HPGDS: variants seen among roughly 807,000 people sequenced by gnomAD.
HPGDS encodes the protein hematopoietic prostaglandin D synthase.
Under a neutral mutation model 23.1 loss-of-function variants are expected in HPGDS, and 26 were observed. The ratio of observed to expected loss-of-function variants is 1.13; its 90% CI spans 0.83 to 1.56. HPGDS has a LOEUF of 1.56. Ranked by LOEUF, HPGDS falls within the 40% of genes most tolerant of loss-of-function variation. The pLI, the probability that HPGDS is intolerant of heterozygous loss-of-function variation, is 0.00. For synonymous variants in HPGDS, 95 were observed against 77.9 expected (o/e 1.22, Z -1.16); for missense variants, 268 against 236.4 (o/e 1.13, Z -0.88).
intron 4 of HPGDS, among the ~76,000 whole-genome samples, chr4:94,307,306 A>G (rs981189423): frequency 6.6e-6 from 1 of 150,566 alleles, no homozygotes. Flanking sequence ...CCAGGAAAAC[A>G]TAAAAAAAAA....
At chr4:94,319,885 A>T in intron 2 of HPGDS, among the ~76,000 whole-genome samples, 1 of 152,266 alleles carries the variant, frequency 6.6e-6, no homozygotes, top group South Asian at 2.1e-4. Flanking sequence ...TACATTAGGT[A>T]TATCTCCTAA....
intron 3 of HPGDS, among the ~76,000 whole-genome samples, chr4:94,310,745 A>G (rs1008962933): frequency 2.6e-5 from 4 of 152,106 alleles, no homozygotes; most frequent in Non-Finnish European, 5.9e-5. Flanking sequence ...CATTTTCACA[A>G]CATTGATTCT....
At chr4:94,310,412 G>C (rs1459024927) in intron 3 of HPGDS, among the ~76,000 whole-genome samples, 1 of 151,976 alleles carries the variant, frequency 6.6e-6, no homozygotes, top group African/African-American at 2.4e-5. Flanking sequence ...TCTTGTTTTT[G>C]TCAGGTTTGT....
At chr4:94,329,143 T>C (rs1171236934) in intron 2 of HPGDS, among the ~76,000 whole-genome samples, 2 of 145,546 alleles carry the variant, frequency 1.4e-5, no homozygotes, top group Non-Finnish European at 3.0e-5. Context: ...CAGGGAGAGG[T>C]TTTTTTTTGT....
At chr4:94,316,615 T>G (rs1280170878) in intron 3 of HPGDS, among the ~76,000 whole-genome samples, 2 of 152,242 alleles carry the variant, frequency 1.3e-5, no homozygotes, top group Non-Finnish European at 2.9e-5. Flanking sequence ...TCTATCCTTC[T>G]AAGCATTTCT....
chr4:94,317,253 A>G (rs939728337), intron 3 of HPGDS, among the ~76,000 whole-genome samples: 3 of 152,154 alleles, frequency 2.0e-5, no homozygotes. Flanking sequence ...GTGTGAGAAT[A>G]GTTTGAGGGA....
Position 94,340,311 on chromosome 4 carries a change from C to CTTTCTTTCTTTTTCTTTTCTTT in HPGDS, c.-10+2483_-10+2484insAAAGAAAAGAAAAAGAAAGAAA. On this transcript the variant is annotated intron_variant, in intron 1 of 5. Coordinates refer to ENST00000295256, the MANE Select transcript of HPGDS (RefSeq NM_014485.3). Reference sequence around the variant, plus strand: ...TTTCTTTCTTTCTTTCTTTCTTTCTCTTTTTTTTTTTTTTTTTTTTTTTTT... The same window carrying CTTTCTTTCTTTTTCTTTTCTTT: ...TTTCTTTCTTTCTTTCTTTCTTTCTCTTTCTTTCTTTTTCTTTTCTTTTTTTTTTTTTTTTTTTTTTTTTTTT... Among the ~76,000 whole-genome samples the CTTTCTTTCTTTTTCTTTTCTTT allele has an allele frequency of 3.0e-4, 7 of 23,686 alleles. 2 individuals carry two copies. The East Asian group carries it at 5.5e-3, about 19-fold the overall frequency. The allele number at this position is 23,686 out of a possible 152,430, so 15.5% of individuals were successfully genotyped here.
At chr4:94,324,249 C>T (rs1217679335) in intron 2 of HPGDS, among the ~76,000 whole-genome samples, 1 of 152,048 alleles carries the variant, frequency 6.6e-6, no homozygotes, top group Non-Finnish European at 1.5e-5. Context: ...TGGAGTTGTT[C>T]TTCTCAAGGA....
chr4:94,309,094 T>C (rs1756203350), intron 3 of HPGDS, among the ~76,000 whole-genome samples: 1 of 140,356 alleles, frequency 7.1e-6, no homozygotes, highest in African/African-American at 2.6e-5. Flanking sequence ...TAGGGATTCA[T>C]TGAGGTAGAT....
intron 2 of HPGDS, among the ~76,000 whole-genome samples, chr4:94,326,120 C>T (rs1456066130): frequency 6.6e-6 from 1 of 151,838 alleles, no homozygotes; most frequent in African/African-American, 2.4e-5. Flanking sequence ...TTTTGGAATT[C>T]TCTTTGTCCT....
intron 5 of HPGDS, 127 bp from the exon 6 acceptor site, chr4:94,299,771 T>C: frequency 2.3e-6 from 2 of 880,278 alleles, no homozygotes; most frequent in South Asian, 3.9e-5. Flanking sequence ...AAGCAGAATG[T>C]TTATATGATA....
At chr4:94,333,878 A>G (rs1273547985) in intron 2 of HPGDS, among the ~76,000 whole-genome samples, 1 of 152,230 alleles carries the variant, frequency 6.6e-6, no homozygotes, top group Non-Finnish European at 1.5e-5. Flanking sequence ...CCATGTGTAA[A>G]TTCCAATATC....
intron 5 of HPGDS, among the ~76,000 whole-genome samples, chr4:94,301,211 G>A (rs1756034172): frequency 6.6e-6 from 1 of 152,096 alleles, no homozygotes; most frequent in African/African-American, 2.4e-5. Context: ...CAAAAAAGCA[G>A]TCTTATCTCC....
intron 2 of HPGDS, among the ~76,000 whole-genome samples, chr4:94,318,749 G>T (rs1221988993): frequency 6.6e-6 from 1 of 152,102 alleles, no homozygotes; most frequent in African/African-American, 2.4e-5. Flanking sequence ...GTCTCGGTCT[G>T]TCACTGAGGC....
intron 3 of HPGDS, among the ~76,000 whole-genome samples, chr4:94,310,465 G>A (rs780740319): frequency 6.6e-6 from 1 of 152,032 alleles, no homozygotes; most frequent in Non-Finnish European, 1.5e-5. Flanking sequence ...ATTTCTGAGG[G>A]CTCTGTTCTG....
intron 1 of HPGDS, among the ~76,000 whole-genome samples, chr4:94,340,569 G>C (rs1721141921): frequency 6.9e-6 from 1 of 145,456 alleles, no homozygotes; most frequent in African/African-American, 2.5e-5. Flanking sequence ...TCGATCTCCT[G>C]ACCTCGTGAT....
At chr4:94,332,808 C>G (rs1224327103) in intron 2 of HPGDS, among the ~76,000 whole-genome samples, 2 of 152,190 alleles carry the variant, frequency 1.3e-5, no homozygotes, top group African/African-American at 2.4e-5. Flanking sequence ...TTTAGCTTGC[C>G]TTCTGCTCCT....
intron 2 of HPGDS, among the ~76,000 whole-genome samples, chr4:94,319,555 G>C (rs1756462112): frequency 6.6e-6 from 1 of 152,032 alleles, no homozygotes; most frequent in Admixed American, 6.6e-5. Flanking sequence ...TGATTTAGTG[G>C]TTATCTATAG....
chr4:94,321,967 G>A (rs559689605), intron 2 of HPGDS, among the ~76,000 whole-genome samples: 2 of 152,240 alleles, frequency 1.3e-5, no homozygotes, highest in South Asian at 2.1e-4. Flanking sequence ...AGAGTTTTTA[G>A]CATGAAGGGC....
Sources: allele counts gnomAD v4.1 joint callset (sites outside exome capture counted in the v4.1 genomes callset), GRCh38; gene constraint gnomAD v4.1.1; transcripts MANE v1.5; gene names NCBI Gene and HGNC (gene_info 2026-07-23, HGNC 2026-07-21).